TMEM132C: variants seen among roughly 807,000 people sequenced by gnomAD.
TMEM132C encodes the protein protein phosphatase 1, regulatory subunit 152.
TMEM132C carries 29 observed loss-of-function variants against 61.4 expected under a neutral mutation model. The ratio of observed to expected loss-of-function variants is 0.47; its 90% CI spans 0.35 to 0.64. TMEM132C has a LOEUF of 0.64. Among genes scored for constraint, TMEM132C ranks in the 30% least tolerant of loss-of-function variants. The pLI, the probability that TMEM132C is intolerant of heterozygous loss-of-function variation, is 0.00. For synonymous variants in TMEM132C, 656 were observed against 633.1 expected (o/e 1.04, Z -0.54); for missense variants, 1,408 against 1,476.9 (o/e 0.95, Z 0.76).
intron 2 of TMEM132C, among the ~76,000 whole-genome samples, chr12:128,523,550 C>T (rs906245658): frequency 6.6e-6 from 1 of 152,112 alleles, no homozygotes; most frequent in African/African-American, 2.4e-5. Context: ...TGCCAAGGGT[C>T]TATCTTTCTC....
At chr12:128,445,474 G>C (rs1031308996) in intron 2 of TMEM132C, among the ~76,000 whole-genome samples, 1 of 152,140 alleles carries the variant, frequency 6.6e-6, no homozygotes, top group Non-Finnish European at 1.5e-5. Flanking sequence ...GATGGGTCAG[G>C]GGTTGTCACT....
chr12:128,673,391 T>C (rs1210208467), intron 5 of TMEM132C, among the ~76,000 whole-genome samples: 1 of 152,188 alleles, frequency 6.6e-6, no homozygotes, highest in Non-Finnish European at 1.5e-5. Flanking sequence ...GACTTCCCAG[T>C]CTTCGGAACT....
rs566712092 is a variant in TMEM132C at position 128,312,013 on chromosome 12, G to A, written c.85+44526G>A. Among the ~76,000 whole-genome samples, 55 of 152,312 alleles carry A rather than the reference G, an allele frequency of 3.6e-4. No individual in the cohort carries two copies. The South Asian group carries it at 4.4e-3, about 12-fold the overall frequency. ...TTCCAGCTGTGCTGAAAGGGACCCCGGAGCGGGGCTGACTCGGTTTGCAAA... is the reference window on the plus strand; with the variant it reads ...TTCCAGCTGTGCTGAAAGGGACCCCAGAGCGGGGCTGACTCGGTTTGCAAA... On this transcript the variant is annotated intron_variant, in intron 1 of 8. Transcript: ENST00000435159.
chr12:128,362,107 C>T (rs912411758), intron 1 of TMEM132C, among the ~76,000 whole-genome samples: 4 of 152,028 alleles, frequency 2.6e-5, no homozygotes, highest in African/African-American at 9.7e-5. Context: ...CAGTCAGACT[C>T]CACTTTCTTA....
intron 3 of TMEM132C, among the ~76,000 whole-genome samples, chr12:128,609,099 C>T (rs1468749198): frequency 1.3e-5 from 2 of 150,858 alleles, no homozygotes; most frequent in Non-Finnish European, 2.9e-5. Flanking sequence ...ACACTGTAAC[C>T]TCTGCCTCCC....
At chr12:128,661,652 G>A (rs551324345) in intron 4 of TMEM132C, among the ~76,000 whole-genome samples, 101 of 152,162 alleles carry the variant, frequency 6.6e-4, no homozygotes, top group African/African-American at 2.0e-3. Context: ...GTTTCCATGG[G>A]TAAGAGAATG....
At chr12:128,634,662 C>T (rs1954087961) in intron 4 of TMEM132C, among the ~76,000 whole-genome samples, 1 of 152,242 alleles carries the variant, frequency 6.6e-6, no homozygotes, top group East Asian at 1.9e-4. Flanking sequence ...TCCAACTGTA[C>T]TTGGCAGCCT....
chr12:128,271,829 A>G (rs1021560343), intron 1 of TMEM132C, among the ~76,000 whole-genome samples: 1 of 152,188 alleles, frequency 6.6e-6, no homozygotes, highest in Non-Finnish European at 1.5e-5. Flanking sequence ...AGTAGTTAAC[A>G]CCTCCATGAG....
intron 2 of TMEM132C, among the ~76,000 whole-genome samples, chr12:128,485,257 A>G (rs12831083): frequency 1.3e-5 from 2 of 151,968 alleles, no homozygotes; most frequent in African/African-American, 4.8e-5. Flanking sequence ...GCTCACTGCA[A>G]CCTCCGCCTC....
At chr12:128,382,013 G>T (rs1874416586) in intron 1 of TMEM132C, among the ~76,000 whole-genome samples, 1 of 151,350 alleles carries the variant, frequency 6.6e-6, no homozygotes, top group Non-Finnish European at 1.5e-5. Flanking sequence ...CTCCCCCAGG[G>T]ATGTCCATTT....
intron 2 of TMEM132C, among the ~76,000 whole-genome samples, chr12:128,490,864 A>G (rs1012931280): frequency 2.6e-5 from 4 of 151,952 alleles, no homozygotes; most frequent in African/African-American, 9.7e-5. Context: ...CATTAGTAGC[A>G]CTCTCCAGCC....
In TMEM132C at chr12:128,649,044, A is replaced by T. The variant is rs377741958; in HGVS notation, c.1306-20373A>T. 1.1e-4 allele frequency among the ~76,000 whole-genome samples: 17 copies of T among 151,858 alleles called. 1 individual carries two copies. The highest frequency in any genetic ancestry group is 3.9e-4 in the African/African-American group (16 of 41,128). On this transcript the variant is annotated intron_variant, in intron 4 of 8. Transcript: ENST00000435159. ...ATCAGCATTGGATGTCAGTGTGTTT[A>T]TTGGAGTCCATCAGCATTGTATGTG...
chr12:128,414,369 C>T (rs1185911489), intron 1 of TMEM132C, among the ~76,000 whole-genome samples: 1 of 152,074 alleles, frequency 6.6e-6, no homozygotes, highest in East Asian at 1.9e-4. Flanking sequence ...ATTCATGTAC[C>T]AGTGCCATTA....
At chr12:128,624,339 T>C (rs149700933) in intron 4 of TMEM132C, among the ~76,000 whole-genome samples, 2,132 of 151,298 alleles carry the variant, frequency 0.014, 55 homozygotes, top group African/African-American at 0.047. Context: ...AGGTCAGGAG[T>C]TCAAGACCAC....
intron 3 of TMEM132C, among the ~76,000 whole-genome samples, chr12:128,554,106 G>A (rs1247723418): frequency 2.0e-5 from 3 of 152,248 alleles, no homozygotes; most frequent in African/African-American, 4.8e-5. Flanking sequence ...CCTTTCCTGG[G>A]ATACTTCATC....
At chr12:128,604,394 A>C (rs1209941953) in intron 3 of TMEM132C, among the ~76,000 whole-genome samples, 1 of 140,320 alleles carries the variant, frequency 7.1e-6, no homozygotes, top group Non-Finnish European at 1.5e-5. Flanking sequence ...TAGATAGATA[A>C]ATAATGGATG....
chr12:128,473,305 TTCACTCCA>T (rs1871020884), intron 2 of TMEM132C, among the ~76,000 whole-genome samples: 3 of 1,530 alleles, frequency 2.0e-3, no homozygotes, highest in South Asian at 0.017. Flanking sequence ...CGTCTTCATC[TTCACTCCA>T]GCCTCTATCT....
At chr12:128,340,100 G>A (rs1453105555) in intron 1 of TMEM132C, among the ~76,000 whole-genome samples, 1 of 152,198 alleles carries the variant, frequency 6.6e-6, no homozygotes, top group Admixed American at 6.5e-5. Flanking sequence ...ATGACTTTTA[G>A]CTGTTGTTTC....
chr12:128,545,089 C>T (rs987404153), intron 3 of TMEM132C, among the ~76,000 whole-genome samples: 5 of 152,138 alleles, frequency 3.3e-5, no homozygotes, highest in South Asian at 2.1e-4. Flanking sequence ...AACAGAGCAC[C>T]GAATAGGTCG....
Sources: gnomAD v4.1 joint callset for allele counts (sites outside exome capture counted in the v4.1 genomes callset) on GRCh38, gnomAD v4.1.1 for gene constraint, MANE v1.5 for transcripts, NCBI Gene and HGNC (gene_info 2026-07-23, HGNC 2026-07-21) for gene names.